Variants in EPB41L4A observed in about 807,000 individuals in gnomAD.
The protein encoded by EPB41L4A is band 4.1-like protein 4A.
A neutral mutation model predicts 108.6 loss-of-function variants in EPB41L4A; 100 were observed. The observed-to-expected ratio is 0.92, with a 90% CI of 0.78 to 1.09. The LOEUF is 1.09. EPB41L4A is among the 50% of genes least tolerant of loss of function. EPB41L4A has a pLI of 0.00. For missense variants in EPB41L4A, 1,030 were observed against 842.7 expected (o/e 1.22, Z -2.75); for synonymous variants, 319 against 289.0 (o/e 1.10, Z -1.05).
chr5:112,398,508 C>G (rs907409917), intron 1 of EPB41L4A, among the ~76,000 whole-genome samples: 8 of 152,162 alleles, frequency 5.3e-5, no homozygotes, highest in Admixed American at 3.9e-4. Flanking sequence ...CATGCCTCAG[C>G]CTTCCGAGTA....
intron 1 of EPB41L4A, among the ~76,000 whole-genome samples, chr5:112,336,462 AC>A (rs1756928923): frequency 6.6e-6 from 1 of 152,198 alleles, no homozygotes; most frequent in South Asian, 2.1e-4. Flanking sequence ...CATCCCGCCA[AC>A]CCCTTTAAAA....
downstream of EPB41L4A, among the ~76,000 whole-genome samples, chr5:112,141,891 A>G (rs1759085417): frequency 6.6e-6 from 1 of 152,142 alleles, no homozygotes; most frequent in African/African-American, 2.4e-5. Context: ...ACTGAATTTC[A>G]TGAGATAAAG....
intron 9 of EPB41L4A, among the ~76,000 whole-genome samples, chr5:112,244,686 C>T (rs955848648): frequency 5.3e-5 from 8 of 152,164 alleles, no homozygotes; most frequent in Non-Finnish European, 7.4e-5. Context: ...TTGATCTGCG[C>T]CATCTTGTCT....
chr5:112,244,869 A>G (rs1270193805), intron 9 of EPB41L4A, among the ~76,000 whole-genome samples: 1 of 152,186 alleles, frequency 6.6e-6, no homozygotes, highest in Non-Finnish European at 1.5e-5. Context: ...GAGCCTTATC[A>G]AGCGCCCGTG....
intron 1 of EPB41L4A, among the ~76,000 whole-genome samples, chr5:112,351,110 G>C (rs1758014268): frequency 1.3e-5 from 2 of 152,126 alleles, no homozygotes; most frequent in South Asian, 4.1e-4. Context: ...CCCAAAATGA[G>C]TCAAAGGAAA....
In EPB41L4A at chr5:112,380,792, TACAC is replaced by T. The variant is rs34831455; in HGVS notation, c.99+38145_99+38148del. ...ACCCATCCTCTGCACATCACACACA[TACAC>T]ACACACACACACACACACACACACA... On this transcript the variant is annotated intron_variant, in intron 1 of 22. Coordinates refer to ENST00000261486, the MANE Select transcript of EPB41L4A (RefSeq NM_022140.5). Among the ~76,000 whole-genome samples the T allele has an allele frequency of 7.5e-3, 1,059 of 141,168 alleles. 5 individuals are homozygous for T. Among genetic ancestry groups the T allele is most frequent in the East Asian group, 0.023 (107 of 4,754 alleles). 92.6% of individuals were successfully genotyped at this position (141,168 alleles called of 152,430 possible). A position where few individuals can be genotyped will look rare whatever the true frequency, so the allele number is the denominator to read the frequency against.
At chr5:112,148,414 T>C (rs561172733) in intron 12 of EPB41L4A, among the ~76,000 whole-genome samples, 3 of 151,888 alleles carry the variant, frequency 2.0e-5, no homozygotes, top group East Asian at 3.9e-4. Context: ...ATTTTACCAA[T>C]TGATACATGG....
intron 1 of EPB41L4A, among the ~76,000 whole-genome samples, chr5:112,384,286 A>G (rs566343258): frequency 6.6e-6 from 1 of 152,230 alleles, no homozygotes; most frequent in East Asian, 1.9e-4. Flanking sequence ...ACAAAAGATG[A>G]TAATATAGAT....
chr5:112,191,884 A>G (rs1298041352), intron 17 of EPB41L4A: 1 of 152,214 alleles, frequency 6.6e-6, no homozygotes, highest in Non-Finnish European at 1.5e-5. Flanking sequence ...AGCAGGGTGC[A>G]TCGGCGTGCA....
chr5:112,300,897 G>A (rs758327657), intron 2 of EPB41L4A, among the ~76,000 whole-genome samples: 8 of 151,876 alleles, frequency 5.3e-5, no homozygotes, highest in East Asian at 1.9e-4. Context: ...CCTTATCTTC[G>A]AGATCTGAAG....
At chr5:112,376,891 AAG>A (rs1286830218) in intron 1 of EPB41L4A, among the ~76,000 whole-genome samples, 1 of 152,190 alleles carries the variant, frequency 6.6e-6, no homozygotes, top group Non-Finnish European at 1.5e-5. Flanking sequence ...AGAGGCAAGG[AAG>A]AGAGTACGTC....
chr5:112,382,156 T>C (rs140228430), intron 1 of EPB41L4A, among the ~76,000 whole-genome samples: 126 of 152,348 alleles, frequency 8.3e-4, no homozygotes, highest in African/African-American at 2.7e-3. Flanking sequence ...AAATTCTTGA[T>C]AAATTAGGAA....
chr5:112,248,893 C>T (rs1030167402), intron 9 of EPB41L4A, among the ~76,000 whole-genome samples: 1 of 152,136 alleles, frequency 6.6e-6, no homozygotes, highest in African/African-American at 2.4e-5. Context: ...ATCCTGTACT[C>T]TTGACAGGCT....
intron 9 of EPB41L4A, among the ~76,000 whole-genome samples, chr5:112,255,961 C>T (rs1184970439): frequency 2.0e-5 from 3 of 152,108 alleles, no homozygotes; most frequent in South Asian, 4.2e-4. Context: ...GCTTCTCAGG[C>T]CAAACTCGTT....
At chr5:112,337,196 T>G (rs1297533850) in intron 1 of EPB41L4A, among the ~76,000 whole-genome samples, 1 of 152,216 alleles carries the variant, frequency 6.6e-6, no homozygotes, top group East Asian at 1.9e-4. Context: ...GCTTTTCCTC[T>G]GTAATTAATG....
At chr5:112,408,299 G>C (rs1762199328) in intron 1 of EPB41L4A, among the ~76,000 whole-genome samples, 2 of 151,980 alleles carry the variant, frequency 1.3e-5, no homozygotes, top group Admixed American at 1.3e-4. Context: ...GTTAGGCAAT[G>C]GTTTCTCAGA....
chr5:112,156,965 C>T (rs1379731562), intron 12 of EPB41L4A, among the ~76,000 whole-genome samples: 16 of 152,154 alleles, frequency 1.1e-4, no homozygotes, highest in Admixed American at 1.0e-3. Flanking sequence ...ATAGCCAAGA[C>T]TTCCCTGAAA....
At chr5:112,243,993 A>C (rs934877870) in intron 9 of EPB41L4A, among the ~76,000 whole-genome samples, 1 of 152,208 alleles carries the variant, frequency 6.6e-6, no homozygotes, top group African/African-American at 2.4e-5. Context: ...TGCATTCACA[A>C]CTTGGCTAAC....
At chr5:112,371,705 T>C (rs1287700086) in intron 1 of EPB41L4A, among the ~76,000 whole-genome samples, 1 of 152,094 alleles carries the variant, frequency 6.6e-6, no homozygotes, top group Admixed American at 6.6e-5. Context: ...GAATTCAGAC[T>C]AGAAATTGCT....
Sources: gnomAD v4.1 joint callset for allele counts (sites outside exome capture counted in the v4.1 genomes callset) on GRCh38, gnomAD v4.1.1 for gene constraint, MANE v1.5 for transcripts, NCBI Gene and HGNC (gene_info 2026-07-23, HGNC 2026-07-21) for gene names.